DIP2B: variants seen among roughly 807,000 people sequenced by gnomAD.
DIP2B encodes the protein disco-interacting protein 2 homolog B.
DIP2B carries 76 observed loss-of-function variants against 198.0 expected under a neutral mutation model. The observed-to-expected ratio is 0.38, with a 90% CI of 0.32 to 0.46. DIP2B has a LOEUF of 0.46. Ranked by LOEUF, DIP2B falls within the 20% of genes least tolerant of loss-of-function variation. DIP2B has a pLI of 0.99. For missense variants in DIP2B, 1,559 were observed against 1,978.4 expected, an observed-to-expected ratio of 0.79 and a Z score of 4.02; for synonymous variants, 701 against 739.1, an observed-to-expected ratio of 0.95 and a Z score of 0.84.
At chr12:50,603,947 G>T (rs73307164) in intron 1 of DIP2B, among the ~76,000 whole-genome samples, 3,833 of 152,166 alleles carry the variant, frequency 0.025, 149 homozygotes, top group African/African-American at 0.088. Flanking sequence ...CCATGGCCTG[G>T]TTCCAGGCCT....
At chr12:50,730,558 A>C (rs534581979) in intron 30 of DIP2B, among the ~76,000 whole-genome samples, 11 of 151,194 alleles carry the variant, frequency 7.3e-5, no homozygotes, top group African/African-American at 2.4e-4. Context: ...TGTTAAAAAA[A>C]TTTTTTTTGT....
chr12:50,698,478 A>G lies in DIP2B; in HGVS notation c.2188+11A>G. The G allele has an allele frequency of 6.2e-7, 1 of 1,605,524 alleles. No homozygotes were observed. Among genetic ancestry groups the G allele is most frequent in the Non-Finnish European group, 8.5e-7 (1 of 1,176,682 alleles). ...ATGTAATGCCTGGTGGTGAGTCGCA[A>G]GGAGCATCATTTGGTTTTTCATAAA... On this transcript the variant is annotated intron_variant, in intron 18 of 37. Coordinates refer to ENST00000301180, the MANE Select transcript of DIP2B (RefSeq NM_173602.3).
At chr12:50,653,045 G>A (rs1938486034) in intron 3 of DIP2B, among the ~76,000 whole-genome samples, 1 of 151,808 alleles carries the variant, frequency 6.6e-6, no homozygotes, top group African/African-American at 2.4e-5. Flanking sequence ...CTGGGCTCAA[G>A]TGATCCTCTT....
At chr12:50,732,634 C>T (rs1175491970) in intron 32 of DIP2B, 98 bp downstream of exon 32, 1 of 1,452,304 alleles carries the variant, frequency 6.9e-7, no homozygotes, top group South Asian at 1.2e-5. Flanking sequence ...GCTTGGGCCC[C>T]AGCCGCACTT....
At chr12:50,553,020 G>A (rs1179498288) in intron 1 of DIP2B, among the ~76,000 whole-genome samples, 1 of 152,072 alleles carries the variant, frequency 6.6e-6, no homozygotes, top group Non-Finnish European at 1.5e-5. Context: ...ATTCTTATTA[G>A]AGACGGGGTT....
At chr12:50,584,923 T>C (rs1958757768) in intron 1 of DIP2B, among the ~76,000 whole-genome samples, 1 of 152,224 alleles carries the variant, frequency 6.6e-6, no homozygotes, top group Non-Finnish European at 1.5e-5. Flanking sequence ...GCATTACATG[T>C]AGAATCAATT....
rs904250598 is a variant in DIP2B at position 50,746,830 on chromosome 12, C to T, written c.*1991C>T. Reference sequence around the variant, plus strand: ...CTGAAGCTGATATAAATAAGTCTAGCTCTATAATCCCCAAGTTCTAAAAGT... The same window carrying T: ...CTGAAGCTGATATAAATAAGTCTAGTTCTATAATCCCCAAGTTCTAAAAGT... On this transcript the variant is annotated 3_prime_UTR_variant, in exon 38 of 38. Coordinates refer to ENST00000301180, the MANE Select transcript of DIP2B (RefSeq NM_173602.3). The T allele has an allele frequency of 6.6e-6, 1 of 152,160 alleles. No individual in the cohort carries two copies. The highest frequency in any genetic ancestry group is 1.5e-5 in the Non-Finnish European group (1 of 68,024). The allele number at this position is 152,160 out of a possible 1,614,324, so 9.4% of individuals were successfully genotyped here. A position where few individuals can be genotyped will look rare whatever the true frequency, so the allele number is the denominator to read the frequency against.
intron 1 of DIP2B, among the ~76,000 whole-genome samples, chr12:50,591,450 T>A (rs73119141): frequency 2.7e-4 from 41 of 152,230 alleles, no homozygotes; most frequent in Non-Finnish European, 4.1e-4. Flanking sequence ...TAATTTTTTT[T>A]AATTTATTTG....
intron 1 of DIP2B, among the ~76,000 whole-genome samples, chr12:50,593,688 C>CT (rs1321216476): frequency 7.7e-6 from 1 of 130,616 alleles, no homozygotes; most frequent in African/African-American, 2.7e-5. Context: ...GGAATACACT[C>CT]TTTTCTCCTC....
chr12:50,566,689 G>A (rs1265030003), intron 1 of DIP2B, among the ~76,000 whole-genome samples: 1 of 152,138 alleles, frequency 6.6e-6, no homozygotes, highest in Non-Finnish European at 1.5e-5. Flanking sequence ...GAATCATATG[G>A]CTGGGCGCAG....
intron 3 of DIP2B, among the ~76,000 whole-genome samples, chr12:50,645,242 G>A (rs1425097350): frequency 6.6e-6 from 1 of 152,076 alleles, no homozygotes; most frequent in African/African-American, 2.4e-5. Context: ...ATTTTAAATA[G>A]TCATGTTCTT....
chr12:50,561,150 C>A (rs1958516469), intron 1 of DIP2B, among the ~76,000 whole-genome samples: 3 of 152,152 alleles, frequency 2.0e-5, no homozygotes, highest in African/African-American at 7.2e-5. Context: ...AGATAACTTA[C>A]CTTTTCTTGC....
At chr12:50,530,720 G>A (rs374683036) in intron 1 of DIP2B, among the ~76,000 whole-genome samples, 2 of 152,276 alleles carry the variant, frequency 1.3e-5, no homozygotes, top group African/African-American at 4.8e-5. Context: ...TGGAGGAGGA[G>A]GAGGTGTGCA....
At chr12:50,680,285 T>G (rs1939018732) in intron 8 of DIP2B, 1 of 143,518 alleles carries the variant, frequency 7.0e-6, no homozygotes, top group African/African-American at 2.6e-5. Context: ...AAAAAAAACT[T>G]AGAACAGAAG....
rs756586483 is a variant in DIP2B at position 50,741,379 on chromosome 12, T to C, written c.4355-37T>C. 9 of 1,605,368 alleles carry C rather than the reference T, an allele frequency of 5.6e-6. No homozygotes were observed. In the African/African-American group the frequency reaches 9.3e-5, roughly 17 times the overall value. On this transcript the variant is annotated intron_variant, in intron 36 of 37. Coordinates refer to ENST00000301180, the MANE Select transcript of DIP2B (RefSeq NM_173602.3). ...CCAGTGTTATGTTGCACTCAGTATA[T>C]GTCCAAGCCACATTTCTCTCTTTTT...
chr12:50,592,573 G>A (rs1184003995), intron 1 of DIP2B, among the ~76,000 whole-genome samples: 1 of 151,996 alleles, frequency 6.6e-6, no homozygotes, highest in Non-Finnish European at 1.5e-5. Context: ...CGCCTCCTGA[G>A]TTCCAGCAAT....
chr12:50,548,548 C>CT (rs1253764887), intron 1 of DIP2B, among the ~76,000 whole-genome samples: 1 of 151,940 alleles, frequency 6.6e-6, no homozygotes, highest in Non-Finnish European at 1.5e-5. Context: ...TTTTTTGAGA[C>CT]TGAGTCTTGC....
intron 1 of DIP2B, among the ~76,000 whole-genome samples, chr12:50,609,584 A>G (rs2139451675): frequency 2.0e-5 from 3 of 152,304 alleles, no homozygotes; most frequent in Admixed American, 2.0e-4. Flanking sequence ...GGGAAGATAC[A>G]CCCATTCCAT....
chr12:50,635,971 A>T (rs1938152931), intron 2 of DIP2B, among the ~76,000 whole-genome samples: 1 of 152,190 alleles, frequency 6.6e-6, no homozygotes. Flanking sequence ...AATATGAAAG[A>T]CCAAGGACCA....
Sources: gnomAD v4.1 joint callset for allele counts (sites outside exome capture counted in the v4.1 genomes callset) on GRCh38, gnomAD v4.1.1 for gene constraint, MANE v1.5 for transcripts, NCBI Gene and HGNC (gene_info 2026-07-23, HGNC 2026-07-21) for gene names.